Variants in WWC1 observed in about 807,000 individuals in gnomAD.
WWC1 encodes WW and C2 domain containing 1, also known as protein KIBRA.
Under a neutral mutation model 138.4 loss-of-function variants are expected in WWC1, and 55 were observed. The observed-to-expected ratio is 0.40, with a 90% CI of 0.32 to 0.50. The LOEUF (loss-of-function observed/expected upper bound fraction) is 0.50. Ranked by LOEUF, WWC1 falls within the 20% of genes least tolerant of loss-of-function variation. The pLI is 0.72. For synonymous variants in WWC1, 524 were observed against 564.9 expected, an observed-to-expected ratio of 0.93 and a Z score of 1.03; for missense variants, 1,226 against 1,420.4, an observed-to-expected ratio of 0.86 and a Z score of 2.20.
chr5:168,406,443 A>G (rs1779800183), intron 6 of WWC1, 116 bp downstream of exon 6: 1 of 1,449,448 alleles, frequency 6.9e-7, no homozygotes, highest in Admixed American at 2.0e-5. Context: ...TCTCATTACC[A>G]GTCTTCCTGG....
rs1466142715 is a variant in WWC1 at position 168,460,722 on chromosome 5, C to T, written c.2896C>T (p.Arg966Cys). The change falls in exon 20 of 23, where the codon CGC becomes TGC. Residue 966 changes from arginine to cysteine, a missense_variant. This residue lies in a region of WWC1 where 206 missense variants were observed against 247.4 expected (regional missense o/e 0.83). Transcript: ENST00000265293. Reference sequence around the variant, plus strand: ...TTTTGTTCGAAACTCCCTGGAGCGACGCAGCGTCCGGATGAAGCGGGTAAG... The same window carrying T: ...TTTTGTTCGAAACTCCCTGGAGCGATGCAGCGTCCGGATGAAGCGGGTAAG... ...PPFVRNSLERRSVRMKRPSSV... is the reference protein window; with the variant it reads ...PPFVRNSLERCSVRMKRPSSV... 2.5e-6 allele frequency: 4 copies of T among 1,614,146 alleles called. No individual in the cohort carries two copies. The highest frequency in any genetic ancestry group is 1.3e-5 in the African/African-American group (1 of 75,038).
chr5:168,312,170 T>C (rs1380248967), intron 1 of WWC1, among the ~76,000 whole-genome samples: 2 of 151,946 alleles, frequency 1.3e-5, no homozygotes, highest in Non-Finnish European at 2.9e-5. Flanking sequence ...GTGACCGAGA[T>C]TGCACCATTA....
chr5:168,294,272 A>AT lies in WWC1; in HGVS notation c.119+2010dup, dbSNP rs570185026. ...TAGTGTTACATGGACCACCTCCATG[A>AT]TTTTTTTTTGCTATATCCACCTGTG... On this transcript the variant is annotated intron_variant, in intron 1 of 22. Coordinates refer to ENST00000265293, the MANE Select transcript of WWC1 (RefSeq NM_015238.3). 4.5e-3 allele frequency among the ~76,000 whole-genome samples: 681 copies of AT among 151,382 alleles called. 3 individuals carry two copies. The highest frequency in any genetic ancestry group is 7.3e-3 in the Non-Finnish European group (496 of 67,818).
chr5:168,438,220 A>G (rs1754415241), intron 15 of WWC1, among the ~76,000 whole-genome samples: 1 of 152,096 alleles, frequency 6.6e-6, no homozygotes, highest in Admixed American at 6.5e-5. Context: ...CAGCCCTGCC[A>G]CGTTCCAGTG....
At chr5:168,458,750 C>T (rs1056437771) in intron 19 of WWC1, among the ~76,000 whole-genome samples, 1 of 152,168 alleles carries the variant, frequency 6.6e-6, no homozygotes, top group African/African-American at 2.4e-5. Context: ...AAGGTGACAA[C>T]ATTCTCTACC....
intron 1 of WWC1, among the ~76,000 whole-genome samples, chr5:168,326,689 C>T (rs1314818755): frequency 6.6e-6 from 1 of 151,898 alleles, no homozygotes; most frequent in African/African-American, 2.4e-5. Flanking sequence ...GGATTACAGG[C>T]ACGCGCCACC....
intron 1 of WWC1, among the ~76,000 whole-genome samples, chr5:168,322,902 A>C (rs558823988): frequency 6.6e-6 from 1 of 152,234 alleles, no homozygotes; most frequent in Non-Finnish European, 1.5e-5. Context: ...AGGCATCAAA[A>C]CAAAACTCAA....
chr5:168,391,760 C>T (rs1582134095), intron 3 of WWC1, among the ~76,000 whole-genome samples: 2 of 110,576 alleles, frequency 1.8e-5, no homozygotes, highest in Non-Finnish European at 1.8e-5. Flanking sequence ...ATTTTTAAGG[C>T]ATATATATAT....
intron 11 of WWC1, among the ~76,000 whole-genome samples, chr5:168,424,329 G>A (rs1254221203): frequency 1.3e-5 from 2 of 152,184 alleles, no homozygotes; most frequent in Non-Finnish European, 2.9e-5. Flanking sequence ...GTCATCCTGT[G>A]CTAATGGATA....
intron 1 of WWC1, among the ~76,000 whole-genome samples, chr5:168,363,567 G>A (rs1484588755): frequency 6.9e-6 from 1 of 145,770 alleles, no homozygotes; most frequent in Non-Finnish European, 1.5e-5. Context: ...AGCAGTCCCA[G>A]CTCCTCCAGG....
intron 19 of WWC1, among the ~76,000 whole-genome samples, chr5:168,458,506 G>A (rs1391817764): frequency 6.6e-6 from 1 of 152,096 alleles, no homozygotes; most frequent in East Asian, 1.9e-4. Context: ...GCTGTCTTGA[G>A]TTCCCCCACT....
chr5:168,357,658 G>A (rs184853645), intron 1 of WWC1, among the ~76,000 whole-genome samples: 2 of 152,168 alleles, frequency 1.3e-5, no homozygotes, highest in Non-Finnish European at 2.9e-5. Flanking sequence ...CCTCTTTCTA[G>A]GGCTTCCCAA....
At chr5:168,335,377 TAGGG>T (rs1335530564) in intron 1 of WWC1, among the ~76,000 whole-genome samples, 6 of 152,310 alleles carry the variant, frequency 3.9e-5, no homozygotes, top group Non-Finnish European at 8.8e-5. Context: ...TCCTAGCTCT[TAGGG>T]AGGCAGAGAC....
At chr5:168,405,433 G>T (rs1779703536) in intron 5 of WWC1, among the ~76,000 whole-genome samples, 1 of 152,198 alleles carries the variant, frequency 6.6e-6, no homozygotes, top group Non-Finnish European at 1.5e-5. Context: ...GAATGAGACA[G>T]ACACGTTCAA....
At chr5:168,304,488 G>T (rs1014937909) in intron 1 of WWC1, among the ~76,000 whole-genome samples, 2 of 152,198 alleles carry the variant, frequency 1.3e-5, no homozygotes, top group Non-Finnish European at 2.9e-5. Context: ...CACTGGTCAC[G>T]AGGCCCTCTA....
intron 13 of WWC1, among the ~76,000 whole-genome samples, chr5:168,429,887 A>G (rs1031700338): frequency 1.3e-5 from 2 of 152,150 alleles, no homozygotes; most frequent in Admixed American, 1.3e-4. Flanking sequence ...ATGAGCCCCG[A>G]TCATGCCACT....
intron 2 of WWC1, among the ~76,000 whole-genome samples, chr5:168,381,266 C>T (rs1274694182): frequency 6.6e-6 from 1 of 152,162 alleles, no homozygotes; most frequent in African/African-American, 2.4e-5. Context: ...TATAGTTTTA[C>T]AGAGCAGTGC....
At chr5:168,294,098 G>A (rs1013801162) in intron 1 of WWC1, among the ~76,000 whole-genome samples, 2 of 152,138 alleles carry the variant, frequency 1.3e-5, no homozygotes, top group African/African-American at 4.8e-5. Context: ...GGAAAGGACC[G>A]CCCCTGCCAA....
At chr5:168,375,631 A>G (rs1290406730) in intron 2 of WWC1, among the ~76,000 whole-genome samples, 1 of 151,728 alleles carries the variant, frequency 6.6e-6, no homozygotes, top group Non-Finnish European at 1.5e-5. Flanking sequence ...GCTGGAGTAC[A>G]GTGGCAGATC....
Sources: gnomAD v4.1 joint callset for allele counts (sites outside exome capture counted in the v4.1 genomes callset) on GRCh38, gnomAD v4.1.1 for gene constraint, gnomAD v4.1.1 regional missense constraint, MANE v1.5 for transcripts, NCBI Gene and HGNC (gene_info 2026-07-23, HGNC 2026-07-21) for gene names.